The following CFAP47 variants were observed in gnomAD, a reference collection of about 807,000 sequenced individuals.
CFAP47 encodes the protein cilia and flagella associated protein 47, also known as cilia- and flagella-associated protein 47.
Under a neutral mutation model 148.1 loss-of-function variants are expected in CFAP47, and 29 were observed. The ratio of observed to expected loss-of-function variants is 0.20; its 90% CI spans 0.15 to 0.27. CFAP47 has a LOEUF of 0.27. Among genes scored for constraint, CFAP47 ranks in the 10% least tolerant of loss-of-function variants. The pLI is 1.00. For missense variants in CFAP47, 1,872 were observed against 1,697.5 expected (o/e 1.10, Z -1.81); for synonymous variants, 664 against 577.3 (o/e 1.15, Z -2.15).
In CFAP47 at chrX:36,290,143, C is replaced by G. The variant is rs1351123331; in HGVS notation, c.7686+4417C>G. On this transcript the variant is annotated intron_variant, in intron 51 of 63. Transcript: ENST00000378653. Reference sequence around the variant, plus strand: ...TCATCTATGCTGGCCAAGCTCTGTGCTCTGAAGGCTGATTCCTTTTCTAGT... The same window carrying G: ...TCATCTATGCTGGCCAAGCTCTGTGGTCTGAAGGCTGATTCCTTTTCTAGT... 3.6e-5 allele frequency among the ~76,000 whole-genome samples: 4 copies of G among 110,764 alleles called. No homozygotes were observed. In the Admixed American group the frequency reaches 3.9e-4, roughly 11 times the overall value.
intron 26 of CFAP47, among the ~76,000 whole-genome samples, chrX:36,053,157 G>A (rs1204364225): frequency 9.0e-6 from 1 of 111,574 alleles, no homozygotes; most frequent in Non-Finnish European, 1.9e-5. Context: ...TTAAATTAAG[G>A]CTTATAATAA....
Position 36,281,300 on chromosome X carries a change from G to A in CFAP47, c.7588+670G>A, listed in dbSNP as rs782195158. On this transcript the variant is annotated intron_variant, in intron 50 of 63. Transcript: ENST00000378653. Reference sequence around the variant, plus strand: ...TTATTGAATGAATTCGTATTAGATAGCATTCTTCACAGAAACAGAAATGAT... The same window carrying A: ...TTATTGAATGAATTCGTATTAGATAACATTCTTCACAGAAACAGAAATGAT... 4.4e-5 allele frequency among the ~76,000 whole-genome samples: 5 copies of A among 112,610 alleles called. No homozygotes were observed. The South Asian group carries it at 1.1e-3, about 24-fold the overall frequency.
At chrX:36,276,067 T>TAA (rs781847874) in intron 49 of CFAP47, among the ~76,000 whole-genome samples, 69 of 110,137 alleles carry the variant, frequency 6.3e-4, no homozygotes, top group Non-Finnish European at 8.5e-4. Flanking sequence ...TATATATATA[T>TAA]AATCTTAATT....
At chrX:36,308,416 G>C (rs1433456184) in intron 55 of CFAP47, among the ~76,000 whole-genome samples, 1 of 110,637 alleles carries the variant, frequency 9.0e-6, no homozygotes, top group Non-Finnish European at 1.9e-5. Flanking sequence ...TAACCTTTGT[G>C]ATTTTTCTTG....
At chrX:36,031,696 T>C (rs1205418254) in intron 23 of CFAP47, among the ~76,000 whole-genome samples, 1 of 108,748 alleles carries the variant, frequency 9.2e-6, no homozygotes. Context: ...ATATATTCCA[T>C]AGATAAAAGA....
At chrX:36,257,709 C>T (rs1378930079) in intron 49 of CFAP47, among the ~76,000 whole-genome samples, 2 of 111,762 alleles carry the variant, frequency 1.8e-5, no homozygotes, top group African/African-American at 6.5e-5. Flanking sequence ...AGGCGTGAGC[C>T]ACTGCACCTG....
intron 27 of CFAP47, among the ~76,000 whole-genome samples, chrX:36,067,787 C>A (rs1415154053): frequency 9.2e-6 from 1 of 108,905 alleles, no homozygotes; most frequent in Non-Finnish European, 1.9e-5. Flanking sequence ...CTCAGCCTCC[C>A]GAGAAGCTGG....
intron 38 of CFAP47, 29 bp from the exon 39 acceptor site, chrX:36,160,652 T>A: frequency 3.4e-6 from 1 of 291,859 alleles, no homozygotes; most frequent in Non-Finnish European, 6.0e-6. Flanking sequence ...GTTATTATCA[T>A]GTGGTAAGAC....
rs1939274027 is a variant in CFAP47 at position 36,149,123 on chromosome X, T to C, written c.5686T>C (p.Ser1896Pro). ...TVLNKILLKN[S>P]SSRNLVYNAR... ...TTCTACATAGATTCTACTGAAAAATTCCAGCTCGCGAAACTTAGTGTATAA... is the reference window on the plus strand; with the variant it reads ...TTCTACATAGATTCTACTGAAAAATCCCAGCTCGCGAAACTTAGTGTATAA... The change falls in exon 37 of 64, where the codon TCC (serine) becomes CCC (proline). Residue 1896 changes from serine to proline, a missense_variant. Physicochemically the swap from Ser to Pro is moderately conservative, Grantham distance 74 (BLOSUM62 -1). Transcript: ENST00000378653. 1 of 294,546 alleles carries C rather than the reference T, an allele frequency of 3.4e-6. No homozygotes were observed. The highest frequency in any genetic ancestry group is 2.1e-4 in the South Asian group (1 of 4,872). The allele number at this position is 294,546 out of a possible 1,213,427, so 24.3% of individuals were successfully genotyped here. A position where few individuals can be genotyped will look rare whatever the true frequency, so the allele number is the denominator to read the frequency against.
intron 45 of CFAP47, among the ~76,000 whole-genome samples, chrX:36,213,068 A>T (rs1380559230): frequency 3.6e-5 from 4 of 111,653 alleles, no homozygotes; most frequent in East Asian, 5.6e-4. Flanking sequence ...AGCCAGGATC[A>T]TGCCACTGCA....
At position 36,317,407 on chromosome X, in the gene CFAP47, G is replaced by GT. The variant is rs369511903; in HGVS notation, c.8345-1792dup. On this transcript the variant is annotated intron_variant, in intron 56 of 63. Coordinates refer to ENST00000378653, the MANE Select transcript of CFAP47 (RefSeq NM_001304548.2). ...GGGTATCAAATATATTAAGTTTTGTGTTTTTTTTTTCTTTCTTTTTGAGAC... is the reference window on the plus strand; with the variant it reads ...GGGTATCAAATATATTAAGTTTTGTGTTTTTTTTTTTCTTTCTTTTTGAGAC... 2.1e-3 allele frequency among the ~76,000 whole-genome samples: 223 copies of GT among 105,436 alleles called. 1 individual carries two copies. Among genetic ancestry groups the GT allele is most frequent in the African/African-American group, 5.4e-3 (156 of 29,101 alleles). 91.6% of individuals were successfully genotyped at this position (105,436 alleles called of 115,157 possible). A position where few individuals can be genotyped will look rare whatever the true frequency, so the allele number is the denominator to read the frequency against.
intron 42 of CFAP47, among the ~76,000 whole-genome samples, chrX:36,192,200 A>G (rs1174177853): frequency 3.6e-5 from 4 of 111,731 alleles, no homozygotes; most frequent in African/African-American, 9.8e-5. Flanking sequence ...CAAATCTTAC[A>G]TTAGTGTTCA....
intron 61 of CFAP47, among the ~76,000 whole-genome samples, chrX:36,363,329 A>G (rs1941844547): frequency 9.0e-6 from 1 of 111,417 alleles, no homozygotes; most frequent in Admixed American, 9.6e-5. Flanking sequence ...CTGCTCACCT[A>G]GGCTATATGG....
At chrX:36,339,531 T>C (rs782320830) in intron 57 of CFAP47, among the ~76,000 whole-genome samples, 1 of 111,602 alleles carries the variant, frequency 9.0e-6, no homozygotes, top group Non-Finnish European at 1.9e-5. Flanking sequence ...TATCATGGAG[T>C]AATACGGATG....
At chrX:36,304,041 TATCACTTGA>T in intron 54 of CFAP47, 81 bp downstream of exon 54, 1 of 464,948 alleles carries the variant, frequency 2.2e-6, no homozygotes. Flanking sequence ...GGTGGAGTAT[TATCACTTGA>T]ATTATTACTA....
intron 29 of CFAP47, among the ~76,000 whole-genome samples, chrX:36,084,764 T>C (rs1257772744): frequency 8.9e-6 from 1 of 112,265 alleles, no homozygotes; most frequent in Non-Finnish European, 1.9e-5. Context: ...ATATGTTATC[T>C]GTGGGCTTTA....
intron 50 of CFAP47, among the ~76,000 whole-genome samples, chrX:36,283,734 CTCT>C (rs1556004008): frequency 8.9e-6 from 1 of 112,007 alleles, no homozygotes; most frequent in African/African-American, 3.2e-5. Context: ...GTCTTTCTCG[CTCT>C]TCTTTACACA....
At chrX:36,104,973 TGACA>T (rs1938441906) in intron 33 of CFAP47, among the ~76,000 whole-genome samples, 2 of 112,190 alleles carry the variant, frequency 1.8e-5, no homozygotes, top group Admixed American at 1.9e-4. Context: ...TAATCATTGC[TGACA>T]TTTTCAACTG....
chrX:36,371,842 G>A (rs368913657), intron 62 of CFAP47, among the ~76,000 whole-genome samples: 3 of 70,619 alleles, frequency 4.2e-5, no homozygotes, highest in Non-Finnish European at 7.5e-5. Flanking sequence ...GTGTGTATAT[G>A]TGTGTATATA....
Sources: allele counts gnomAD v4.1 joint callset (sites outside exome capture counted in the v4.1 genomes callset), GRCh38; gene constraint gnomAD v4.1.1; transcripts MANE v1.5; gene names NCBI Gene and HGNC (gene_info 2026-07-23, HGNC 2026-07-21).